The following DSCAM variants were observed in gnomAD, a reference collection of about 807,000 sequenced individuals.
DSCAM encodes cell adhesion molecule DSCAM.
DSCAM carries 47 observed loss-of-function variants against 217.7 expected under a neutral mutation model. The ratio of observed to expected loss-of-function variants is 0.22; its 90% CI spans 0.17 to 0.28. The LOEUF is 0.28. DSCAM is among the 10% of genes least tolerant of loss of function. The pLI is 1.00. For synonymous variants in DSCAM, 1,056 were observed against 1,015.3 expected (o/e 1.04, Z -0.76); for missense variants, 2,080 against 2,618.3 (o/e 0.79, Z 4.49).
intron 3 of DSCAM, among the ~76,000 whole-genome samples, chr21:40,674,164 T>C (rs741911): frequency 0.89 from 134,885 of 152,044 alleles, 59,967 homozygotes; most frequent in East Asian, 1. Flanking sequence ...TTGAGAAATG[T>C]TGGTCAAAAA....
chr21:40,712,248 A>T (rs2090787954), intron 1 of DSCAM, among the ~76,000 whole-genome samples: 1 of 152,194 alleles, frequency 6.6e-6, no homozygotes, highest in Non-Finnish European at 1.5e-5. Flanking sequence ...TGTTTTATGA[A>T]AACATACTCA....
At chr21:40,162,353 T>C (rs541969728) in intron 16 of DSCAM, among the ~76,000 whole-genome samples, 2 of 152,338 alleles carry the variant, frequency 1.3e-5, no homozygotes, top group South Asian at 4.1e-4. Flanking sequence ...CTGTCCCAGT[T>C]GGCCAGGAAA....
At chr21:40,205,413 G>T (rs912930527) in intron 11 of DSCAM, among the ~76,000 whole-genome samples, 1 of 152,082 alleles carries the variant, frequency 6.6e-6, no homozygotes, top group Non-Finnish European at 1.5e-5. Flanking sequence ...GACCAGACCG[G>T]CCAACATGGC....
chr21:40,590,827 T>C (rs1034859843), intron 3 of DSCAM, among the ~76,000 whole-genome samples: 5 of 152,194 alleles, frequency 3.3e-5, no homozygotes, highest in East Asian at 3.9e-4. Flanking sequence ...CTGGTTATCA[T>C]GGTGAGGTCC....
chr21:40,212,087 A>C (rs1274671984), intron 11 of DSCAM, among the ~76,000 whole-genome samples: 1 of 151,884 alleles, frequency 6.6e-6, no homozygotes, highest in Non-Finnish European at 1.5e-5. Flanking sequence ...CTCCTGCCTC[A>C]GCCTCCCAAG....
At chr21:40,681,489 CTTTTT>C (rs57356615) in intron 3 of DSCAM, among the ~76,000 whole-genome samples, 1 of 145,804 alleles carries the variant, frequency 6.9e-6, no homozygotes, top group Non-Finnish European at 1.5e-5. Flanking sequence ...CTTAAAAATG[CTTTTT>C]TTTTTTTTTT....
intron 11 of DSCAM, among the ~76,000 whole-genome samples, chr21:40,228,751 C>T (rs1028688631): frequency 6.6e-6 from 1 of 151,334 alleles, no homozygotes; most frequent in African/African-American, 2.4e-5. Context: ...TTAGAATTAG[C>T]GTTCTCAAAG....
chr21:40,178,816 A>G, intron 15 of DSCAM, 111 bp downstream of exon 15: 2 of 1,371,590 alleles, frequency 1.5e-6, no homozygotes, highest in South Asian at 1.3e-5. Context: ...GCACGCATCA[A>G]AGACCTCCGC....
chr21:40,792,738 A>G (rs746925411), intron 1 of DSCAM, among the ~76,000 whole-genome samples: 1 of 152,180 alleles, frequency 6.6e-6, no homozygotes, highest in Non-Finnish European at 1.5e-5. Flanking sequence ...GGACCCACAT[A>G]GGGCCAGAAT....
intron 32 of DSCAM, among the ~76,000 whole-genome samples, chr21:40,017,525 GCTCAGTAATAAATAC>G (rs1400666003): frequency 6.6e-6 from 1 of 151,840 alleles, no homozygotes; most frequent in African/African-American, 2.4e-5. Flanking sequence ...TCCAAGGGAA[GCTCAGTAATAAATAC>G]CTAGACAATA....
At chr21:40,081,047 C>T (rs2089448348) in intron 24 of DSCAM, among the ~76,000 whole-genome samples, 1 of 152,322 alleles carries the variant, frequency 6.6e-6, no homozygotes, top group East Asian at 1.9e-4. Flanking sequence ...TGACGACTCT[C>T]CCACAGAACA....
At chr21:40,560,014 C>T (rs1234587634) in intron 3 of DSCAM, among the ~76,000 whole-genome samples, 1 of 152,022 alleles carries the variant, frequency 6.6e-6, no homozygotes, top group Non-Finnish European at 1.5e-5. Context: ...AGGATGGTCT[C>T]GATCTCCTGA....
At chr21:40,694,638 C>T (rs554857109) in intron 2 of DSCAM, among the ~76,000 whole-genome samples, 9 of 151,880 alleles carry the variant, frequency 5.9e-5, no homozygotes, top group African/African-American at 1.4e-4. Context: ...AAATCTTCTG[C>T]GACCCCCATC....
At chr21:40,116,372 C>G (rs940641126) in intron 20 of DSCAM, among the ~76,000 whole-genome samples, 1 of 152,130 alleles carries the variant, frequency 6.6e-6, no homozygotes, top group East Asian at 1.9e-4. Context: ...AAAGATATTT[C>G]CAAGAAAGCT....
intron 3 of DSCAM, among the ~76,000 whole-genome samples, chr21:40,446,598 G>C (rs898006545): frequency 6.6e-6 from 1 of 152,146 alleles, no homozygotes; most frequent in African/African-American, 2.4e-5. Context: ...CAGCAAAAAA[G>C]CAAATGTGTT....
chr21:40,347,228 G>A (rs2074568083), intron 6 of DSCAM, among the ~76,000 whole-genome samples: 1 of 150,116 alleles, frequency 6.7e-6, no homozygotes, highest in Non-Finnish European at 1.5e-5. Context: ...AACCCGGGAG[G>A]CAGAGGTTGT....
intron 3 of DSCAM, among the ~76,000 whole-genome samples, chr21:40,677,160 A>G (rs949949818): frequency 6.6e-6 from 1 of 152,144 alleles, no homozygotes; most frequent in African/African-American, 2.4e-5. Flanking sequence ...TTTTCCTGGT[A>G]CAAGAACAAT....
chr21:40,056,197 C>A (rs550008013), intron 28 of DSCAM, among the ~76,000 whole-genome samples: 2 of 152,122 alleles, frequency 1.3e-5, no homozygotes, highest in Admixed American at 6.6e-5. Flanking sequence ...GTGAGATATT[C>A]CAGTGATGGT....
intron 30 of DSCAM, 53 bp downstream of exon 30, chr21:40,051,903 CTA>C: frequency 6.4e-7 from 1 of 1,551,672 alleles, no homozygotes; most frequent in Non-Finnish European, 8.7e-7. Context: ...AAGAACATTA[CTA>C]TGTTTTCAGC....
Sources: allele counts gnomAD v4.1 joint callset (sites outside exome capture counted in the v4.1 genomes callset), GRCh38; gene constraint gnomAD v4.1.1; transcripts MANE v1.5; gene names NCBI Gene and HGNC (gene_info 2026-07-23, HGNC 2026-07-21).